Variants in ANKRD44 observed in about 807,000 individuals in gnomAD.
The protein encoded by ANKRD44 is ankyrin repeat domain 44.
ANKRD44 carries 35 observed loss-of-function variants against 116.0 expected under a neutral mutation model. The ratio of observed to expected loss-of-function variants is 0.30; its 90% CI spans 0.23 to 0.40. The LOEUF is 0.40. Among genes scored for constraint, ANKRD44 ranks in the 10% least tolerant of loss-of-function variants. The probability of loss-of-function intolerance (pLI) is 1.00; values close to 1 mark genes in which losing one functional copy is unlikely to be tolerated. For missense variants in ANKRD44, 1,014 were observed against 1,242.6 expected (o/e 0.82, Z 2.77); for synonymous variants, 435 against 461.8 (o/e 0.94, Z 0.74).
At chr2:197,119,565 C>T (rs1448151801) in intron 8 of ANKRD44, among the ~76,000 whole-genome samples, 1 of 152,160 alleles carries the variant, frequency 6.6e-6, no homozygotes, top group African/African-American at 2.4e-5. Flanking sequence ...AAATTATACT[C>T]TATTTGATAC....
At chr2:197,291,906 G>A (rs2083580596) in intron 1 of ANKRD44, among the ~76,000 whole-genome samples, 1 of 151,960 alleles carries the variant, frequency 6.6e-6, no homozygotes, top group South Asian at 2.1e-4. Flanking sequence ...TCCCACCTAT[G>A]AGTGAGAACA....
At chr2:197,042,405 A>G (rs2076926685) in intron 16 of ANKRD44, among the ~76,000 whole-genome samples, 1 of 151,716 alleles carries the variant, frequency 6.6e-6, no homozygotes, top group East Asian at 2.0e-4. Context: ...AGTGGCCAAC[A>G]TTGTTAGGAG....
chr2:197,090,410 T>C (rs1441400724), intron 10 of ANKRD44, among the ~76,000 whole-genome samples: 3 of 152,148 alleles, frequency 2.0e-5, no homozygotes, highest in Non-Finnish European at 1.5e-5. Flanking sequence ...TCATAGACTA[T>C]GCTAAGGGCT....
At position 197,206,756 on chromosome 2, in the gene ANKRD44, A is replaced by G. The variant is rs2081216342; in HGVS notation, c.28-19650T>C. On this transcript the variant is annotated intron_variant, in intron 1 of 27. Transcript: ENST00000282272. ...AAAAAGCATTTTGGTTGATTATGTTATCAATAATAACATAGTAGGGAAAGG... is the reference window on the plus strand; with the variant it reads ...AAAAAGCATTTTGGTTGATTATGTTGTCAATAATAACATAGTAGGGAAAGG... Among the ~76,000 whole-genome samples the G allele has an allele frequency of 1.3e-5, 2 of 152,212 alleles. 1 individual carries two copies. Among genetic ancestry groups the G allele is most frequent in the African/African-American group, 4.8e-5 (2 of 41,444 alleles).
downstream of ANKRD44, among the ~76,000 whole-genome samples, chr2:196,983,587 G>A (rs1430164505): frequency 6.6e-6 from 1 of 152,206 alleles, no homozygotes; most frequent in African/African-American, 2.4e-5. Context: ...TCACGAATTT[G>A]CTGGGTACTT....
intron 15 of ANKRD44, among the ~76,000 whole-genome samples, chr2:197,081,393 C>T (rs1186925414): frequency 6.6e-6 from 1 of 152,126 alleles, no homozygotes; most frequent in Non-Finnish European, 1.5e-5. Context: ...ACACCAGGTC[C>T]TAAAAACTGC....
intron 8 of ANKRD44, among the ~76,000 whole-genome samples, chr2:197,120,773 C>G (rs542581462): frequency 1.3e-5 from 2 of 152,302 alleles, no homozygotes; most frequent in East Asian, 3.9e-4. Flanking sequence ...ACTGCCCTAT[C>G]AGCTCAACAT....
chr2:196,985,666 A>C (rs963316832), downstream of ANKRD44, among the ~76,000 whole-genome samples: 1 of 152,218 alleles, frequency 6.6e-6, no homozygotes, highest in Non-Finnish European at 1.5e-5. Context: ...TTCCTGAAAG[A>C]GCTGGTGATG....
rs528196819 is a variant in ANKRD44, at chr2:197,271,839, C to T, written c.27+38739G>A. 1.1e-3 allele frequency among the ~76,000 whole-genome samples: 163 copies of T among 152,276 alleles called. 1 individual carries two copies. Among genetic ancestry groups the T allele is most frequent in the Non-Finnish European group, 1.4e-3 (97 of 68,014 alleles). On this transcript the variant is annotated intron_variant, in intron 1 of 27. Transcript: ENST00000282272. ...CTGGTCATGAACTCCTGGGCTCAAG[C>T]GATCTGCCTGCCTTGGCCTCCCAAA...
chr2:197,119,207 C>T (rs2078795003), intron 8 of ANKRD44, among the ~76,000 whole-genome samples: 1 of 150,454 alleles, frequency 6.6e-6, no homozygotes, highest in African/African-American at 2.4e-5. Context: ...GATTATTTTC[C>T]TTTTTTTTTC....
At chr2:197,146,712 T>A (rs939257601) in intron 3 of ANKRD44, among the ~76,000 whole-genome samples, 3 of 150,348 alleles carry the variant, frequency 2.0e-5, no homozygotes, top group Non-Finnish European at 4.4e-5. Flanking sequence ...GACTTTAAAC[T>A]AGTTTTATTT....
chr2:197,189,716 T>C (rs2080776740), intron 1 of ANKRD44, among the ~76,000 whole-genome samples: 1 of 152,154 alleles, frequency 6.6e-6, no homozygotes, highest in Non-Finnish European at 1.5e-5. Context: ...GAACGATAAG[T>C]AGAGGCAGTG....
At chr2:197,159,694 T>C (rs567610714) in intron 2 of ANKRD44, among the ~76,000 whole-genome samples, 2 of 152,368 alleles carry the variant, frequency 1.3e-5, no homozygotes, top group Admixed American at 1.3e-4. Context: ...TAATGATTCA[T>C]AAAGTTGCCA....
chr2:197,111,742 A>G (rs1331374825), intron 8 of ANKRD44, among the ~76,000 whole-genome samples: 1 of 152,008 alleles, frequency 6.6e-6, no homozygotes, highest in Non-Finnish European at 1.5e-5. Context: ...TAAAACAAAA[A>G]AGAAAAAATT....
chr2:197,169,997 C>T (rs1193735651), intron 2 of ANKRD44, among the ~76,000 whole-genome samples: 2 of 152,066 alleles, frequency 1.3e-5, no homozygotes, highest in South Asian at 2.1e-4. Context: ...CAAGACTAGC[C>T]TGGGCAACAT....
At chr2:196,995,318 T>A in intron 26 of ANKRD44, 61 bp downstream of exon 26, 2 of 1,260,494 alleles carry the variant, frequency 1.6e-6, no homozygotes, top group Non-Finnish European at 2.3e-6. Context: ...AGGCTCTTAA[T>A]ACTTATTGAA....
chr2:197,197,380 T>C (rs942177971), intron 1 of ANKRD44, among the ~76,000 whole-genome samples: 3 of 152,234 alleles, frequency 2.0e-5, no homozygotes, highest in Admixed American at 1.3e-4. Context: ...GTAGCTCCTT[T>C]ATTTCTTTAC....
chr2:197,013,103 T>G (rs563787916), intron 18 of ANKRD44, among the ~76,000 whole-genome samples: 1 of 152,218 alleles, frequency 6.6e-6, no homozygotes, highest in South Asian at 2.1e-4. Context: ...TGATTCCTTA[T>G]GCGAAATAGC....
At chr2:196,978,639 G>C (rs2125863239) in intron 21 of ANKRD44, among the ~76,000 whole-genome samples, 1 of 152,242 alleles carries the variant, frequency 6.6e-6, no homozygotes, top group East Asian at 1.9e-4. Flanking sequence ...TGTTAATGGG[G>C]ACAGTTTTTC....
Sources: gnomAD v4.1 joint callset for allele counts (sites outside exome capture counted in the v4.1 genomes callset) on GRCh38, gnomAD v4.1.1 for gene constraint, MANE v1.5 for transcripts, NCBI Gene and HGNC (gene_info 2026-07-23, HGNC 2026-07-21) for gene names.